MINDY4: variants seen among roughly 807,000 people sequenced by gnomAD.
MINDY4 encodes the protein MINDY lysine 48 deubiquitinase 4.
Under a neutral mutation model 87.0 loss-of-function variants are expected in MINDY4, and 68 were observed. The observed-to-expected ratio is 0.78, with a 90% CI of 0.64 to 0.96. The LOEUF is 0.96. Ranked by LOEUF, MINDY4 falls within the 40% of genes least tolerant of loss-of-function variation. The probability of loss-of-function intolerance (pLI) is 0.00; values close to 1 mark genes in which losing one functional copy is unlikely to be tolerated. For synonymous variants in MINDY4, 379 were observed against 363.2 expected (o/e 1.04, Z -0.50); for missense variants, 919 against 928.2 (o/e 0.99, Z 0.13).
chr7:30,873,201 C>A (rs1057236147), intron 14 of MINDY4, among the ~76,000 whole-genome samples: 2 of 152,228 alleles, frequency 1.3e-5, no homozygotes, highest in Non-Finnish European at 2.9e-5. Flanking sequence ...TAGAGGAAGG[C>A]CTCACGGGGA....
At chr7:30,867,875 T>G (rs1311123197) in intron 13 of MINDY4, among the ~76,000 whole-genome samples, 1 of 152,032 alleles carries the variant, frequency 6.6e-6, no homozygotes, top group Non-Finnish European at 1.5e-5. Flanking sequence ...TTCAATAGAG[T>G]CATGGACCAG....
Position 30,853,297 on chromosome 7 carries a change from A to T in MINDY4, c.1612-97A>T, listed in dbSNP as rs2128571758. ...TGACGCAGGGACATTCCCAAGTTGGATTTTGTAGCTACTAAAGCCAGGGAG... is the reference window on the plus strand; with the variant it reads ...TGACGCAGGGACATTCCCAAGTTGGTTTTTGTAGCTACTAAAGCCAGGGAG... On this transcript the variant is annotated intron_variant, in intron 11 of 17. Coordinates refer to ENST00000265299, the MANE Select transcript of MINDY4 (RefSeq NM_032222.3). 2 of 1,008,162 alleles carry T rather than the reference A, an allele frequency of 2.0e-6. 1 individual carries two copies. Among genetic ancestry groups the T allele is most frequent in the South Asian group, 2.7e-5 (2 of 73,116 alleles). 62.5% of individuals were successfully genotyped at this position (1,008,162 alleles called of 1,614,324 possible). A position where few individuals can be genotyped will look rare whatever the true frequency, so the allele number is the denominator to read the frequency against.
intron 12 of MINDY4, among the ~76,000 whole-genome samples, chr7:30,857,157 G>T (rs920663591): frequency 6.6e-6 from 1 of 152,150 alleles, no homozygotes; most frequent in Non-Finnish European, 1.5e-5. Context: ...CTGTGCCCCC[G>T]CATAGTCAGC....
chr7:30,857,657 A>G (rs532689846), intron 12 of MINDY4: 1 of 71,926 alleles, frequency 1.4e-5, no homozygotes, highest in Non-Finnish European at 2.3e-5. Flanking sequence ...TATTTTTAGT[A>G]GAGACGGGGT....
At chr7:30,837,917 A>G (rs189991626) in intron 7 of MINDY4, among the ~76,000 whole-genome samples, 1 of 152,340 alleles carries the variant, frequency 6.6e-6, no homozygotes, top group Admixed American at 6.5e-5. Flanking sequence ...CCCACATTTG[A>G]TGACATGTGG....
At chr7:30,850,253 C>T (rs1288454479) in intron 9 of MINDY4, among the ~76,000 whole-genome samples, 1 of 152,232 alleles carries the variant, frequency 6.6e-6, no homozygotes, top group African/African-American at 2.4e-5. Flanking sequence ...CACTTGAAGG[C>T]ACCTCCTTTG....
chr7:30,781,720 C>A, intron 2 of MINDY4: 1 of 451,554 alleles, frequency 2.2e-6, no homozygotes, highest in South Asian at 3.2e-5. Context: ...ACATTTTATT[C>A]TAGTTGTTTA....
intron 6 of MINDY4, among the ~76,000 whole-genome samples, chr7:30,835,549 A>G (rs771600593): frequency 3.9e-5 from 6 of 152,212 alleles, no homozygotes; most frequent in Non-Finnish European, 5.9e-5. Flanking sequence ...GGTAGAATCT[A>G]TGTGCTTGTT....
At chr7:30,801,677 A>G (rs1787655381) in intron 5 of MINDY4, among the ~76,000 whole-genome samples, 1 of 152,184 alleles carries the variant, frequency 6.6e-6, no homozygotes, top group South Asian at 2.1e-4. Flanking sequence ...GAGCCCTCCA[A>G]AAATGGGGTT....
At chr7:30,889,741 T>C (rs1183442289) in intron 17 of MINDY4, among the ~76,000 whole-genome samples, 2 of 152,084 alleles carry the variant, frequency 1.3e-5, no homozygotes, top group African/African-American at 4.8e-5. Flanking sequence ...ATGGAGTAAG[T>C]GATGATGCTG....
At chr7:30,841,027 T>C (rs575311017) in intron 9 of MINDY4, among the ~76,000 whole-genome samples, 179 bp downstream of exon 9, 1 of 152,220 alleles carries the variant, frequency 6.6e-6, no homozygotes, top group South Asian at 2.1e-4. Flanking sequence ...TTAAGGGGAC[T>C]TGTGCGCGTT....
At chr7:30,862,207 C>T (rs781115074) in intron 13 of MINDY4, among the ~76,000 whole-genome samples, 2 of 152,194 alleles carry the variant, frequency 1.3e-5, no homozygotes, top group Admixed American at 6.5e-5. Flanking sequence ...GGAGCTAACC[C>T]TCCTACCCCA....
chr7:30,820,254 AT>A (rs897060754), intron 5 of MINDY4, among the ~76,000 whole-genome samples: 14 of 148,572 alleles, frequency 9.4e-5, no homozygotes, highest in Admixed American at 3.3e-4. Flanking sequence ...GGCAAGTTTA[AT>A]TTTTTTTTTG....
At chr7:30,827,664 G>A (rs1397153658) in intron 5 of MINDY4, among the ~76,000 whole-genome samples, 1 of 152,170 alleles carries the variant, frequency 6.6e-6, no homozygotes, top group African/African-American at 2.4e-5. Context: ...GGGAGGGAGG[G>A]TGAGGGAGTT....
chr7:30,803,690 G>T (rs1040591269), intron 5 of MINDY4, among the ~76,000 whole-genome samples: 10 of 152,238 alleles, frequency 6.6e-5, no homozygotes, highest in South Asian at 2.1e-4. Context: ...CTGAGGTTTT[G>T]TTTTTGGGGT....
chr7:30,842,504 A>G (rs146663125), intron 9 of MINDY4, among the ~76,000 whole-genome samples: 9 of 152,158 alleles, frequency 5.9e-5, no homozygotes, highest in African/African-American at 1.9e-4. Context: ...GCACCTACCT[A>G]CCTACCCACC....
At chr7:30,808,196 G>A (rs1787871332) in intron 5 of MINDY4, among the ~76,000 whole-genome samples, 1 of 152,110 alleles carries the variant, frequency 6.6e-6, no homozygotes, top group Admixed American at 6.5e-5. Context: ...TCAATGTGGT[G>A]GCTGATCACC....
intron 5 of MINDY4, among the ~76,000 whole-genome samples, chr7:30,816,189 C>T (rs1788143550): frequency 6.6e-6 from 1 of 151,378 alleles, no homozygotes; most frequent in African/African-American, 2.4e-5. Context: ...GCCCGGGTCT[C>T]ATATGCCAAA....
At chr7:30,858,093 T>G (rs1789632324) in intron 12 of MINDY4, 1 of 151,136 alleles carries the variant, frequency 6.6e-6, no homozygotes, top group South Asian at 2.1e-4. Flanking sequence ...GAACACTGAC[T>G]ATTATAACAG....
Sources: allele counts gnomAD v4.1 joint callset (sites outside exome capture counted in the v4.1 genomes callset), GRCh38; gene constraint gnomAD v4.1.1; transcripts MANE v1.5; gene names NCBI Gene and HGNC (gene_info 2026-07-23, HGNC 2026-07-21).